The following PHLDB2 variants were observed in gnomAD, a reference collection of about 807,000 sequenced individuals.
The protein encoded by PHLDB2 is pleckstrin homology-like domain family B member 2.
A neutral mutation model predicts 123.6 loss-of-function variants in PHLDB2; 71 were observed. That is an observed-to-expected ratio of 0.57 (90% CI 0.47 to 0.70). The LOEUF (loss-of-function observed/expected upper bound fraction) is 0.70. Ranked by LOEUF, PHLDB2 falls within the 30% of genes least tolerant of loss-of-function variation. The pLI is 0.00. For synonymous variants in PHLDB2, 547 were observed against 541.6 expected, an observed-to-expected ratio of 1.01 and a Z score of -0.14; for missense variants, 1,446 against 1,519.5, an observed-to-expected ratio of 0.95 and a Z score of 0.80.
intron 1 of PHLDB2, among the ~76,000 whole-genome samples, chr3:111,829,452 C>T (rs1471955654): frequency 6.3e-5 from 8 of 126,384 alleles, no homozygotes; most frequent in South Asian, 2.6e-4. Flanking sequence ...TTTTCTTTTT[C>T]TTTTTCTTTT....
At chr3:111,924,259 A>C (rs1158130247) in intron 5 of PHLDB2, among the ~76,000 whole-genome samples, 1 of 152,204 alleles carries the variant, frequency 6.6e-6, no homozygotes, top group Non-Finnish European at 1.5e-5. Context: ...TTTACAGATA[A>C]ACATTTTATA....
rs1160221830 is a variant in PHLDB2, at chr3:111,974,854, G to A, written c.*291G>A. On this transcript the variant is annotated 3_prime_UTR_variant, in exon 18 of 18. Transcript: ENST00000431670. ...TCTAATAAACTGTTTTTAATCAGTTGTCGGATTTGGTGAAATAAACTAAAC... is the reference window on the plus strand; with the variant it reads ...TCTAATAAACTGTTTTTAATCAGTTATCGGATTTGGTGAAATAAACTAAAC... The A allele has an allele frequency of 1.9e-5, 4 of 208,624 alleles. 1 individual carries two copies. The highest frequency in any genetic ancestry group is 3.8e-5 in the Non-Finnish European group (4 of 105,808). 12.9% of individuals were successfully genotyped at this position (208,624 alleles called of 1,614,324 possible).
Position 111,885,873 on chromosome 3 carries a change from T to C in PHLDB2, c.1335+461T>C. Reference sequence around the variant, plus strand: ...TCTTTATAGCAAGTTGTCTAGAAAGTTGGAGTTGCCTCAGTGGTGCTCAGC... The same window carrying C: ...TCTTTATAGCAAGTTGTCTAGAAAGCTGGAGTTGCCTCAGTGGTGCTCAGC... On this transcript the variant is annotated intron_variant, in intron 2 of 17. Transcript: ENST00000431670. The C allele has an allele frequency of 1.5e-5, 7 of 477,002 alleles. 1 individual carries two copies. The South Asian group carries it at 1.9e-4, about 13-fold the overall frequency. 29.5% of individuals were successfully genotyped at this position (477,002 alleles called of 1,614,324 possible).
At chr3:111,838,198 G>T (rs1215400771) in intron 1 of PHLDB2, among the ~76,000 whole-genome samples, 2 of 152,050 alleles carry the variant, frequency 1.3e-5, no homozygotes, top group African/African-American at 4.8e-5. Context: ...ACAGGTTCTC[G>T]CTATGTTGCC....
upstream of PHLDB2, among the ~76,000 whole-genome samples, chr3:111,858,687 G>T (rs2064632596): frequency 1.3e-5 from 2 of 152,180 alleles, no homozygotes; most frequent in South Asian, 4.1e-4. Flanking sequence ...CACTCCAGGT[G>T]AAGAAATTGT....
intron 3 of PHLDB2, 87 bp from the exon 4 acceptor site, chr3:111,918,985 C>T (rs1400723483): frequency 7.2e-7 from 1 of 1,396,114 alleles, no homozygotes; most frequent in Admixed American, 1.7e-5. Flanking sequence ...ACTGTGAGAC[C>T]CTAGACCTGT....
chr3:111,909,648 T>A (rs1479933941), intron 2 of PHLDB2, among the ~76,000 whole-genome samples: 2 of 151,974 alleles, frequency 1.3e-5, no homozygotes, highest in African/African-American at 4.8e-5. Flanking sequence ...CATTTATGGA[T>A]CCCCAGCACG....
chr3:111,862,137 C>T (rs1360573266), intron 1 of PHLDB2, among the ~76,000 whole-genome samples: 4 of 152,186 alleles, frequency 2.6e-5, no homozygotes, highest in Admixed American at 2.6e-4. Context: ...CCACCACACC[C>T]GGTCTCCTTT....
intron 1 of PHLDB2, among the ~76,000 whole-genome samples, chr3:111,768,143 T>C (rs2060114188): frequency 6.6e-6 from 1 of 152,192 alleles, no homozygotes; most frequent in Non-Finnish European, 1.5e-5. Context: ...AGCTATTGTT[T>C]GCCCTGGCCA....
intron 1 of PHLDB2, among the ~76,000 whole-genome samples, chr3:111,870,352 A>C (rs1486334946): frequency 6.6e-6 from 1 of 152,162 alleles, no homozygotes; most frequent in East Asian, 1.9e-4. Context: ...ATAAGAATGC[A>C]AGGAAATATT....
At chr3:111,899,627 T>C (rs1462774515) in intron 2 of PHLDB2, among the ~76,000 whole-genome samples, 1 of 152,196 alleles carries the variant, frequency 6.6e-6, no homozygotes. Context: ...GAATGGTCAA[T>C]GAGCATTGGT....
chr3:111,782,063 G>C (rs908383946), intron 1 of PHLDB2, among the ~76,000 whole-genome samples: 3 of 152,016 alleles, frequency 2.0e-5, no homozygotes, highest in East Asian at 1.9e-4. Context: ...ACTGTCTCAG[G>C]AATATGACAG....
At chr3:111,900,803 G>T (rs113460620) in intron 2 of PHLDB2, among the ~76,000 whole-genome samples, 1 of 152,110 alleles carries the variant, frequency 6.6e-6, no homozygotes, top group Non-Finnish European at 1.5e-5. Context: ...TCTGCAGAGC[G>T]CAATAAAGCA....
intron 15 of PHLDB2, among the ~76,000 whole-genome samples, chr3:111,968,640 A>G (rs1577225439): frequency 1.3e-5 from 2 of 152,254 alleles, no homozygotes; most frequent in East Asian, 3.8e-4. Context: ...ATTTGATAGT[A>G]TAGCAGTTAG....
intron 2 of PHLDB2, among the ~76,000 whole-genome samples, chr3:111,887,930 T>G (rs910968865): frequency 6.6e-6 from 1 of 152,170 alleles, no homozygotes; most frequent in African/African-American, 2.4e-5. Flanking sequence ...TAATGAGATA[T>G]TGTATTTTGT....
At chr3:111,895,647 A>G (rs537773905) in intron 2 of PHLDB2, among the ~76,000 whole-genome samples, 1 of 152,350 alleles carries the variant, frequency 6.6e-6, no homozygotes, top group South Asian at 2.1e-4. Flanking sequence ...CAGGAGTTCG[A>G]GACCACCCTG....
At chr3:111,791,386 T>C (rs576759942) in intron 1 of PHLDB2, among the ~76,000 whole-genome samples, 73 of 152,366 alleles carry the variant, frequency 4.8e-4, no homozygotes, top group Non-Finnish European at 7.6e-4. Context: ...GTTTACACTT[T>C]CTTATCCAAG....
intron 1 of PHLDB2, among the ~76,000 whole-genome samples, chr3:111,763,050 A>G (rs1024711040): frequency 6.6e-6 from 1 of 152,180 alleles, no homozygotes; most frequent in African/African-American, 2.4e-5. Context: ...CATGTCTCCC[A>G]GCACTTCTAC....
chr3:111,916,887 C>T (rs997035036), intron 3 of PHLDB2: 13 of 152,208 alleles, frequency 8.5e-5, no homozygotes, highest in Admixed American at 2.0e-4. Context: ...CATATACACA[C>T]GTAATGTGCT....
Sources: allele counts gnomAD v4.1 joint callset (sites outside exome capture counted in the v4.1 genomes callset), GRCh38; gene constraint gnomAD v4.1.1; transcripts MANE v1.5; gene names NCBI Gene and HGNC (gene_info 2026-07-23, HGNC 2026-07-21).